The following TARBP1 variants were observed in gnomAD, a reference collection of about 807,000 sequenced individuals.
TARBP1 encodes the protein tRNA (guanosine(18)-2'-O)-methyltransferase TARBP1.
TARBP1 carries 144 observed loss-of-function variants against 178.6 expected under a neutral mutation model. The ratio of observed to expected loss-of-function variants is 0.81; its 90% CI spans 0.70 to 0.93. The LOEUF (loss-of-function observed/expected upper bound fraction) is 0.93, where lower values mean the gene tolerates loss of function less well. TARBP1 is among the 40% of genes least tolerant of loss of function. The pLI is 0.00. For missense variants in TARBP1, 2,067 were observed against 2,011.7 expected, an observed-to-expected ratio of 1.03 and a Z score of -0.53; for synonymous variants, 787 against 781.0, an observed-to-expected ratio of 1.01 and a Z score of -0.13.
intron 20 of TARBP1, among the ~76,000 whole-genome samples, chr1:234,421,390 A>G (rs970210732): frequency 2.6e-5 from 4 of 152,192 alleles, no homozygotes; most frequent in African/African-American, 9.7e-5. Context: ...CGCCTGGCTA[A>G]GTGTTTTTAA....
chr1:234,459,898 C>G (rs1572382361), intron 7 of TARBP1, among the ~76,000 whole-genome samples: 1 of 150,632 alleles, frequency 6.6e-6, no homozygotes, highest in South Asian at 2.1e-4. Context: ...CCTCAAAATT[C>G]CTTTTTACCA....
intron 12 of TARBP1, among the ~76,000 whole-genome samples, chr1:234,439,153 C>T (rs757834148): frequency 1.3e-5 from 2 of 152,030 alleles, no homozygotes; most frequent in African/African-American, 2.4e-5. Flanking sequence ...GGACATGATG[C>T]CATAGGGAAA....
chr1:234,447,789 T>G (rs1384806709), intron 11 of TARBP1, among the ~76,000 whole-genome samples: 2 of 137,786 alleles, frequency 1.5e-5, no homozygotes, highest in African/African-American at 5.4e-5. Context: ...TGTTTTATCT[T>G]TATTACCGTT....
At chr1:234,447,804 T>A (rs558871425) in intron 11 of TARBP1, among the ~76,000 whole-genome samples, 5 of 152,228 alleles carry the variant, frequency 3.3e-5, no homozygotes, top group African/African-American at 1.2e-4. Context: ...ACCGTTTTTT[T>A]AATTATGTAT....
intron 3 of TARBP1, among the ~76,000 whole-genome samples, chr1:234,467,919 C>T (rs1438802804): frequency 6.6e-6 from 1 of 152,122 alleles, no homozygotes; most frequent in African/African-American, 2.4e-5. Flanking sequence ...AGCAGGACTA[C>T]AGGTATGCAA....
chr1:234,420,696 T>A lies in TARBP1; in HGVS notation c.3555+6A>T, dbSNP rs747225562. 14 of 1,581,072 alleles carry A rather than the reference T, an allele frequency of 8.9e-6. No individual in the cohort carries two copies. The highest frequency in any genetic ancestry group is 1.7e-5 in the Admixed American group (1 of 57,342). ...CAAAGGTACAAATATAATAAAAATA[T>A]GATACCTGGTCAAGTCTAGGGAAAA... On this transcript the variant is annotated splice_donor_region_variant and intron_variant, in intron 21 of 29. Transcript: ENST00000040877.
chr1:234,424,891 G>A (rs778954409), intron 20 of TARBP1, among the ~76,000 whole-genome samples: 3 of 151,972 alleles, frequency 2.0e-5, no homozygotes, highest in African/African-American at 4.8e-5. Context: ...GAGAAACCCC[G>A]TCTCTACTAA....
intron 25 of TARBP1, among the ~76,000 whole-genome samples, chr1:234,399,899 G>A (rs966722325): frequency 9.3e-5 from 12 of 128,460 alleles, no homozygotes; most frequent in East Asian, 5.5e-4. Flanking sequence ...GTGGGGGGAG[G>A]GGGGGAGGGA....
At chr1:234,415,846 C>T (rs970313195) in intron 22 of TARBP1, among the ~76,000 whole-genome samples, 2 of 152,156 alleles carry the variant, frequency 1.3e-5, no homozygotes, top group African/African-American at 4.8e-5. Context: ...CTGTTCCTGC[C>T]AATTTTCCAG....
rs904665337 is a variant in TARBP1 at position 234,448,451 on chromosome 1, G to A, written c.1961+29C>T. The A allele has an allele frequency of 2.5e-6, 4 of 1,580,064 alleles. No individual in the cohort carries two copies. The African/African-American group carries it at 5.4e-5, about 21-fold the overall frequency. Reference sequence around the variant, plus strand: ...ATTCTCATCAGGATTTTTCAAATAGGCTTTCTTTTCAATTACAGAAACAAT... The same window carrying A: ...ATTCTCATCAGGATTTTTCAAATAGACTTTCTTTTCAATTACAGAAACAAT... On this transcript the variant is annotated intron_variant, in intron 11 of 29. Coordinates refer to ENST00000040877, the MANE Select transcript of TARBP1 (RefSeq NM_005646.4).
chr1:234,402,838 G>A (rs1365520193), intron 24 of TARBP1, among the ~76,000 whole-genome samples: 2 of 151,938 alleles, frequency 1.3e-5, no homozygotes, highest in East Asian at 1.9e-4. Flanking sequence ...CACTCACCTC[G>A]GCCTCGCAAA....
intron 1 of TARBP1, 39 bp downstream of exon 1, chr1:234,478,134 A>C: frequency 6.3e-7 from 1 of 1,591,676 alleles, no homozygotes; most frequent in Non-Finnish European, 8.6e-7. Context: ...GGGGCAGCCA[A>C]GTAGGTAGCA....
At chr1:234,440,763 A>AT (rs113704985) in intron 12 of TARBP1, among the ~76,000 whole-genome samples, 3,573 of 152,332 alleles carry the variant, frequency 0.023, 57 homozygotes, top group South Asian at 0.062. Flanking sequence ...AAAAATTGAA[A>AT]TTTTAAAACT....
At chr1:234,459,138 G>C in intron 8 of TARBP1, 92 bp downstream of exon 8, 1 of 804,892 alleles carries the variant, frequency 1.2e-6, no homozygotes, top group South Asian at 1.8e-5. Context: ...CCTTTCTAAT[G>C]GCAGTATCAC....
intron 10 of TARBP1, 92 bp from the exon 11 acceptor site, chr1:234,448,671 T>C (rs903130339): frequency 1.1e-6 from 1 of 899,342 alleles, no homozygotes; most frequent in Middle Eastern, 2.2e-4. Context: ...TATGCCTTAT[T>C]AATATTAAAT....
chr1:234,450,847 T>A (rs1666685294), intron 9 of TARBP1, among the ~76,000 whole-genome samples: 1 of 152,060 alleles, frequency 6.6e-6, no homozygotes. Flanking sequence ...CTAATCTCCT[T>A]CAAAGAATGT....
intron 14 of TARBP1, 53 bp downstream of exon 14, chr1:234,433,357 T>C (rs1664671424): frequency 6.5e-7 from 1 of 1,547,750 alleles, no homozygotes; most frequent in African/African-American, 1.4e-5. Flanking sequence ...GAATATGTAT[T>C]CCCTGTATGC....
chr1:234,393,587 T>C, intron 27 of TARBP1, 59 bp downstream of exon 27: 9 of 1,581,362 alleles, frequency 5.7e-6, no homozygotes, highest in Non-Finnish European at 7.7e-6. Flanking sequence ...GTGGATTAAT[T>C]AAAAAATGTT....
In TARBP1 at chr1:234,422,121, C is replaced by T. The variant is rs572114849; in HGVS notation, c.3445-1309G>A. On this transcript the variant is annotated intron_variant, in intron 20 of 29. Coordinates refer to ENST00000040877, the MANE Select transcript of TARBP1 (RefSeq NM_005646.4). ...TGGAATCAGTAGGGTGGATCATTCA[C>T]GCATTCAGAAGAAGCATCTTCATGT... Among the ~76,000 whole-genome samples the T allele has an allele frequency of 3.3e-5, 5 of 152,264 alleles. No homozygotes were observed. The South Asian group carries it at 1.0e-3, about 32-fold the overall frequency.
Sources: gnomAD v4.1 joint callset for allele counts (sites outside exome capture counted in the v4.1 genomes callset) on GRCh38, gnomAD v4.1.1 for gene constraint, MANE v1.5 for transcripts, NCBI Gene and HGNC (gene_info 2026-07-23, HGNC 2026-07-21) for gene names.